The following TENM1 variants were observed in gnomAD, a reference collection of about 807,000 sequenced individuals.
TENM1 encodes the protein teneurin-1.
In TENM1, 35 loss-of-function variants were observed where a neutral mutation model predicts 174.8. The ratio of observed to expected loss-of-function variants is 0.20; its 90% CI spans 0.15 to 0.27. TENM1 has a LOEUF of 0.27. Ranked by LOEUF, TENM1 falls within the 10% of genes least tolerant of loss-of-function variation. TENM1 has a pLI of 1.00. For missense variants in TENM1, 1,633 were observed against 2,130.1 expected, an observed-to-expected ratio of 0.77 and a Z score of 4.59; for synonymous variants, 781 against 798.7, an observed-to-expected ratio of 0.98 and a Z score of 0.37.
Position 124,571,739 on chromosome X carries a change from C to T in TENM1, c.2078-6179G>A, listed in dbSNP as rs180965740. ...GATGTTTTTCCAGAAAACAAATGGA[C>T]GTGAGAAGAAATAGAAAACCTGAGT... On this transcript the variant is annotated intron_variant, in intron 11 of 31. Coordinates refer to ENST00000422452, the Ensembl canonical transcript of TENM1. Among the ~76,000 whole-genome samples, 86 of 111,115 alleles carry T rather than the reference C, an allele frequency of 7.7e-4. 1 individual carries two copies. The highest frequency in any genetic ancestry group is 2.6e-3 in the African/African-American group (80 of 30,732).
chrX:125,068,043 CAA>C, the TENM1 span, among the ~76,000 whole-genome samples: 1 of 111,605 alleles, frequency 9.0e-6, no homozygotes, highest in East Asian at 2.8e-4. Context: ...CACTGTTGAG[CAA>C]AGAGAGACAA....
Position 124,896,203 on chromosome X carries a change from C to T in TENM1, c.256G>A (p.Gly86Ser), listed in dbSNP as rs776836682. 7 of 1,209,233 alleles carry T rather than the reference C, an allele frequency of 5.8e-6. No homozygotes were observed. In the East Asian group the frequency reaches 1.8e-4, roughly 31 times the overall value. Reference sequence around the variant, plus strand: ...ACGCTGTGCATGTCTGTTTGGTAGCCAGAGCACAGAGTGTGAGAGGTTTCA... The same window carrying T: ...ACGCTGTGCATGTCTGTTTGGTAGCTAGAGCACAGAGTGTGAGAGGTTTCA... The change falls in exon 2 of 32, where the codon GGC becomes AGC. Residue 86 changes from glycine to serine, a missense_variant. Around this residue, in one of 4 missense-constraint regions of TENM1, gnomAD observed 305 missense variants for 309.2 expected, o/e 0.99. Transcript: ENST00000422452.
intron 3 of TENM1, among the ~76,000 whole-genome samples, chrX:124,855,513 T>C (rs2056799844): frequency 9.0e-6 from 1 of 111,244 alleles, no homozygotes; most frequent in Non-Finnish European, 1.9e-5. Context: ...AACATAGACT[T>C]AAAAAAGAAT....
the TENM1 span, among the ~76,000 whole-genome samples, chrX:125,013,389 A>G: frequency 8.9e-6 from 1 of 111,944 alleles, no homozygotes; most frequent in African/African-American, 3.2e-5. Flanking sequence ...AGTGAATCTG[A>G]TAAATATCTT....
intron 1 of TENM1, among the ~76,000 whole-genome samples, chrX:124,896,697 ACT>A (rs1248349242): frequency 8.9e-6 from 1 of 111,882 alleles, no homozygotes; most frequent in Non-Finnish European, 1.9e-5. Flanking sequence ...CAATGTGAAA[ACT>A]CTGAGAAAAA....
chrX:124,778,952 G>C (rs1196584759), intron 3 of TENM1, among the ~76,000 whole-genome samples: 2 of 111,792 alleles, frequency 1.8e-5, no homozygotes, highest in Non-Finnish European at 3.8e-5. Flanking sequence ...AAAAAATATG[G>C]ATATCAGCAG....
intron 11 of TENM1, among the ~76,000 whole-genome samples, chrX:124,580,239 TG>T (rs1409130279): frequency 9.0e-6 from 1 of 110,776 alleles, no homozygotes; most frequent in Admixed American, 9.7e-5. Context: ...ATAAAGAAAA[TG>T]TAGTATATAT....
chrX:125,190,249 T>A, the TENM1 span, among the ~76,000 whole-genome samples: 2 of 112,296 alleles, frequency 1.8e-5, no homozygotes, highest in Non-Finnish European at 3.8e-5. Flanking sequence ...TAGGCATTTC[T>A]AATGATGAGA....
At chrX:124,944,272 A>G (rs2058370601) in intron 1 of TENM1, among the ~76,000 whole-genome samples, 1 of 111,551 alleles carries the variant, frequency 9.0e-6, no homozygotes, top group Admixed American at 9.6e-5. Flanking sequence ...CTGATGTATA[A>G]AAGAAAAATT....
chrX:124,504,754 T>C (rs143989422), intron 18 of TENM1, among the ~76,000 whole-genome samples: 2 of 111,736 alleles, frequency 1.8e-5, no homozygotes, highest in East Asian at 5.6e-4. Flanking sequence ...CATTTGGTTA[T>C]GAAAACTGGA....
intron 6 of TENM1, among the ~76,000 whole-genome samples, chrX:124,663,710 C>CA (rs1432605573): frequency 9.2e-6 from 1 of 108,979 alleles, no homozygotes; most frequent in African/African-American, 3.3e-5. Context: ...GACCACAAGA[C>CA]AGACCTATTT....
At chrX:124,963,643 T>C (rs2058688207) in exon 1 of TENM1, 1 of 1,209,898 alleles carries the variant, frequency 8.3e-7, no homozygotes, top group African/African-American at 1.7e-5. Context: ...TGTATGACTG[T>C]CTTGGTTTTC....
chrX:124,539,016 T>C (rs1003226748), intron 15 of TENM1, among the ~76,000 whole-genome samples: 8 of 111,777 alleles, frequency 7.2e-5, no homozygotes, highest in South Asian at 7.5e-4. Context: ...TCAGTTGGTC[T>C]GAGGTATTCA....
chrX:125,148,176 A>C, the TENM1 span, among the ~76,000 whole-genome samples: 5 of 109,353 alleles, frequency 4.6e-5, no homozygotes, highest in Non-Finnish European at 1.9e-5. Context: ...CCCTCTCACT[A>C]TTCTCTCTCT....
At chrX:125,037,578 T>C in the TENM1 span, among the ~76,000 whole-genome samples, 3 of 111,241 alleles carry the variant, frequency 2.7e-5, no homozygotes, top group Non-Finnish European at 5.7e-5. Context: ...TACGGTATAA[T>C]AGATATGAAC....
chrX:124,788,304 A>T (rs1456628407), intron 3 of TENM1, among the ~76,000 whole-genome samples: 1 of 111,171 alleles, frequency 9.0e-6, no homozygotes, highest in African/African-American at 3.3e-5. Context: ...GGGAGCTACA[A>T]TATGAGATTT....
exon 29 of TENM1, chrX:124,385,740 C>T: frequency 8.3e-7 from 1 of 1,210,115 alleles, no homozygotes; most frequent in Non-Finnish European, 1.1e-6. Context: ...GTCTTAATCA[C>T]TCCAGAAGAC....
At chrX:124,851,832 G>C (rs1213270483) in intron 3 of TENM1, among the ~76,000 whole-genome samples, 1 of 111,134 alleles carries the variant, frequency 9.0e-6, no homozygotes, top group African/African-American at 3.3e-5. Flanking sequence ...AATTACTTGA[G>C]GGCTGGGAGC....
the TENM1 span, among the ~76,000 whole-genome samples, chrX:125,007,397 C>T: frequency 9.1e-6 from 1 of 109,842 alleles, no homozygotes; most frequent in African/African-American, 3.3e-5. Context: ...AAAGACCGAA[C>T]CTACAATTGA....
Sources: allele counts gnomAD v4.1 joint callset (sites outside exome capture counted in the v4.1 genomes callset), GRCh38; gene constraint gnomAD v4.1.1; regional missense constraint gnomAD v4.1.1; transcripts MANE v1.5; gene names NCBI Gene and HGNC (gene_info 2026-07-23, HGNC 2026-07-21).